The following MRPS28 variants were observed in gnomAD, a reference collection of about 807,000 sequenced individuals.
The protein encoded by MRPS28 is small ribosomal subunit protein bS1m.
Under a neutral mutation model 10.8 loss-of-function variants are expected in MRPS28, and 7 were observed. That is an observed-to-expected ratio of 0.65 (90% CI 0.37 to 1.22). The LOEUF is 1.22. Ranked by LOEUF, MRPS28 falls within the 50% of genes most tolerant of loss-of-function variation. The pLI is 0.02. For missense variants in MRPS28, 265 were observed against 232.9 expected, an observed-to-expected ratio of 1.14 and a Z score of -0.90; for synonymous variants, 121 against 93.3, an observed-to-expected ratio of 1.30 and a Z score of -1.71.
At chr8:80,009,146 A>G (rs1246372679) in intron 1 of MRPS28, among the ~76,000 whole-genome samples, 3 of 152,180 alleles carry the variant, frequency 2.0e-5, no homozygotes, top group Admixed American at 6.5e-5. Flanking sequence ...GAAGCTGGAA[A>G]CCATCATTCT....
chr8:79,999,800 G>T (rs969812265), intron 2 of MRPS28, among the ~76,000 whole-genome samples: 4 of 152,042 alleles, frequency 2.6e-5, no homozygotes, highest in African/African-American at 9.7e-5. Context: ...TTATCAGTCT[G>T]TAGGACCAAA....
At chr8:79,967,819 G>A (rs907051502) in intron 2 of MRPS28, among the ~76,000 whole-genome samples, 1 of 151,924 alleles carries the variant, frequency 6.6e-6, no homozygotes, top group Non-Finnish European at 1.5e-5. Flanking sequence ...GAAGCTGACG[G>A]GTCACATCTG....
At chr8:79,974,571 AAAC>A (rs1455791215) in intron 2 of MRPS28, among the ~76,000 whole-genome samples, 1 of 150,538 alleles carries the variant, frequency 6.6e-6, no homozygotes, top group Non-Finnish European at 1.5e-5. Context: ...CAAAATAAAA[AAAC>A]AAAAAAAAAA....
chr8:79,961,152 C>A (rs1807363026), intron 2 of MRPS28, among the ~76,000 whole-genome samples: 1 of 152,102 alleles, frequency 6.6e-6, no homozygotes, highest in South Asian at 2.1e-4. Context: ...GAGAGGAACA[C>A]TGAGTAACCT....
chr8:79,926,892 C>G (rs1266946062), intron 2 of MRPS28, among the ~76,000 whole-genome samples: 1 of 152,198 alleles, frequency 6.6e-6, no homozygotes, highest in Non-Finnish European at 1.5e-5. Context: ...TAGGGTAGAG[C>G]TAGAGATTCA....
chr8:79,978,226 T>C (rs965459323), intron 2 of MRPS28, among the ~76,000 whole-genome samples: 4 of 152,168 alleles, frequency 2.6e-5, no homozygotes, highest in African/African-American at 9.7e-5. Flanking sequence ...GTGAAACAAA[T>C]TGCAAAGTGT....
intron 2 of MRPS28, among the ~76,000 whole-genome samples, chr8:79,921,161 G>A (rs1810082826): frequency 6.6e-6 from 1 of 152,078 alleles, no homozygotes; most frequent in Non-Finnish European, 1.5e-5. Flanking sequence ...CTCTGTTTTG[G>A]TACCAGTACC....
At chr8:79,992,419 G>GA (rs1808392399) in intron 2 of MRPS28, among the ~76,000 whole-genome samples, 1 of 152,062 alleles carries the variant, frequency 6.6e-6, no homozygotes, top group African/African-American at 2.4e-5. Context: ...GTATCTAACT[G>GA]AAGTTTCATG....
At chr8:79,951,731 C>T (rs141176527) in intron 2 of MRPS28, among the ~76,000 whole-genome samples, 2 of 152,276 alleles carry the variant, frequency 1.3e-5, no homozygotes, top group Middle Eastern at 3.4e-3. Context: ...AAGAGACACA[C>T]GAAAGAGATG....
intron 2 of MRPS28, among the ~76,000 whole-genome samples, chr8:79,949,450 C>T (rs1221366089): frequency 6.7e-6 from 1 of 149,856 alleles, no homozygotes. Context: ...AAAAACAAAA[C>T]TAATCTGCTT....
chr8:79,919,107 T>A lies in MRPS28; in HGVS notation c.437A>T (p.Asp146Val). The A allele has an allele frequency of 6.2e-7, 1 of 1,607,962 alleles. No homozygotes were observed. The highest frequency in any genetic ancestry group is 8.5e-7 in the Non-Finnish European group (1 of 1,177,632). Residue 146 changes from aspartate (D) to valine (V), a missense_variant, in exon 3 of 3, where the codon GAT (aspartate) becomes GTT (valine). Physicochemically the swap from Asp to Val is radical, Grantham distance 152. Transcript: ENST00000276585. ...KGTRVRLRLL[D>V]LELTSRFLGA... ...CAGGAACCTAGACGTAAGTTCAAGATCTAATAGCCGCAACCGGACCCTGGT... is the reference window on the plus strand; with the variant it reads ...CAGGAACCTAGACGTAAGTTCAAGAACTAATAGCCGCAACCGGACCCTGGT...
chr8:80,012,643 C>T (rs1809084946), intron 1 of MRPS28, among the ~76,000 whole-genome samples: 1 of 152,198 alleles, frequency 6.6e-6, no homozygotes, highest in South Asian at 2.1e-4. Context: ...TTTCCTTTAA[C>T]AGTTGGTCAT....
At chr8:80,018,210 A>G (rs900786983) in intron 1 of MRPS28, among the ~76,000 whole-genome samples, 6 of 147,348 alleles carry the variant, frequency 4.1e-5, no homozygotes, top group African/African-American at 1.3e-4. Flanking sequence ...GGAGAATGGC[A>G]TGAACCCGGA....
At chr8:79,998,106 T>C (rs1434350505) in intron 2 of MRPS28, among the ~76,000 whole-genome samples, 2 of 151,932 alleles carry the variant, frequency 1.3e-5, no homozygotes, top group Non-Finnish European at 2.9e-5. Context: ...AACTGAGCTT[T>C]TGCTAAACAT....
intron 2 of MRPS28, among the ~76,000 whole-genome samples, chr8:79,991,909 GCTCTCT>G (rs33936648): frequency 0.028 from 3,758 of 132,756 alleles, 79 homozygotes; most frequent in African/African-American, 0.048. Context: ...CTTCCTCCTT[GCTCTCT>G]CTCTCTCTCT....
intron 2 of MRPS28, among the ~76,000 whole-genome samples, chr8:79,927,854 GA>G (rs1806333687): frequency 6.6e-6 from 1 of 152,112 alleles, no homozygotes; most frequent in African/African-American, 2.4e-5. Context: ...TCAGAGAGAG[GA>G]AAAAATCTTT....
chr8:79,972,594 C>T (rs1229658595), intron 2 of MRPS28, among the ~76,000 whole-genome samples: 4 of 152,310 alleles, frequency 2.6e-5, no homozygotes, highest in Admixed American at 1.3e-4. Flanking sequence ...CACCATTTTA[C>T]ATTCACACTC....
At chr8:80,013,412 A>G (rs1809105526) in intron 1 of MRPS28, among the ~76,000 whole-genome samples, 1 of 152,110 alleles carries the variant, frequency 6.6e-6, no homozygotes, top group South Asian at 2.1e-4. Flanking sequence ...AGGTAGGTGG[A>G]TCACCTGAGG....
chr8:79,929,710 T>C (rs1039149921), intron 2 of MRPS28, among the ~76,000 whole-genome samples: 2 of 151,818 alleles, frequency 1.3e-5, no homozygotes, highest in African/African-American at 2.4e-5. Flanking sequence ...ACAGAACTGG[T>C]TGGAAAGGGA....
Sources: allele counts gnomAD v4.1 joint callset (sites outside exome capture counted in the v4.1 genomes callset), GRCh38; gene constraint gnomAD v4.1.1; transcripts MANE v1.5; gene names NCBI Gene and HGNC (gene_info 2026-07-23, HGNC 2026-07-21).